The following PCDHGB2 variants were observed in gnomAD, a reference collection of about 807,000 sequenced individuals.
PCDHGB2 encodes protocadherin gamma subfamily B, 2.
A neutral mutation model predicts 59.3 loss-of-function variants in PCDHGB2; 55 were observed. That is an observed-to-expected ratio of 0.93 (90% CI 0.75 to 1.16). The LOEUF (loss-of-function observed/expected upper bound fraction) is 1.16. Among genes scored for constraint, PCDHGB2 ranks in the 50% most tolerant of loss-of-function variants. PCDHGB2 has a pLI of 0.00. For synonymous variants in PCDHGB2, 516 were observed against 512.0 expected (o/e 1.01, Z -0.11); for missense variants, 1,228 against 1,198.5 (o/e 1.02, Z -0.36).
At position 141,491,798 on chromosome 5, in the gene PCDHGB2, G is replaced by A. The variant is rs1269524283; in HGVS notation, c.2422-3009G>A. 1 of 1,506,648 alleles carries A rather than the reference G, an allele frequency of 6.6e-7. No homozygotes were observed. The highest frequency in any genetic ancestry group is 8.9e-7 in the Non-Finnish European group (1 of 1,128,050). The allele number at this position is 1,506,648 out of a possible 1,614,324, so 93.3% of individuals were successfully genotyped here. ...TTGAACTTGCATCCACTCCTCTCCG[G>A]CCGGCTTGGTCGCTGGCTGCGCTCC... On this transcript the variant is annotated intron_variant, in intron 1 of 3. Coordinates refer to ENST00000522605, the MANE Select transcript of PCDHGB2 (RefSeq NM_018923.3). This position sits in a 1 kb window ranked among gnomAD's most constrained non-coding sequence, Gnocchi z 6.9.
At chr5:141,375,607 C>T in intron 1 of PCDHGB2, 1 of 1,614,216 alleles carries the variant, frequency 6.2e-7, no homozygotes, top group East Asian at 2.2e-5. Context: ...TGTCCATCAA[C>T]TCCGACACTG....
chr5:141,510,814 C>CA, intron 3 of PCDHGB2, 133 bp from the exon 4 acceptor site: 1 of 1,544,688 alleles, frequency 6.5e-7, no homozygotes, highest in Admixed American at 1.8e-5. Flanking sequence ...TTGGTGACCC[C>CA]TATATTCCCA....
At chr5:141,407,238 T>C (rs538322072) in intron 1 of PCDHGB2, among the ~76,000 whole-genome samples, 1 of 152,338 alleles carries the variant, frequency 6.6e-6, no homozygotes, top group East Asian at 1.9e-4. Context: ...AAATAAAGCA[T>C]ACTTCAGGCT....
chr5:141,427,704 G>A (rs2097059746), intron 1 of PCDHGB2: 1 of 966,116 alleles, frequency 1.0e-6, no homozygotes, highest in Non-Finnish European at 1.6e-6. Flanking sequence ...ACAAGTCAGC[G>A]CCTCTGACCT....
chr5:141,395,077 AG>A lies in PCDHGB2; in HGVS notation c.2421+32523del, dbSNP rs747226962. 4.3e-6 allele frequency: 7 copies of A among 1,614,024 alleles called. No individual in the cohort carries two copies. The African/African-American group carries it at 9.3e-5, about 22-fold the overall frequency. On this transcript the variant is annotated intron_variant, in intron 1 of 3. Transcript: ENST00000522605. ...CAGGCTTTCCTGCAGACCTATTCCC[AG>A]GAAGTCTCCCTCACCGCCGACTCGC...
At position 141,361,648 on chromosome 5, in the gene PCDHGB2, G is replaced by C. The variant is rs1364656645; in HGVS notation, c.1513G>C (p.Val505Leu). 10 of 1,613,678 alleles carry C rather than the reference G, an allele frequency of 6.2e-6. No individual in the cohort carries two copies. Among genetic ancestry groups the C allele is most frequent in the Admixed American group, 5.0e-5 (3 of 60,014 alleles). Reference protein sequence around the residue: ...DLKPREILSYVSVSAQSGVVF... With the variant: ...DLKPREILSYLSVSAQSGVVF... ...GAAGCCGCGGGAGATTTTATCCTAC[G>C]TGTCCGTGAGCGCGCAGAGCGGGGT... Residue 505 changes from valine to leucine, a missense_variant, in exon 1 of 4, where the codon GTG becomes CTG. Physicochemically the swap from Val to Leu is conservative, Grantham distance 32. Coordinates refer to ENST00000522605, the MANE Select transcript of PCDHGB2 (RefSeq NM_018923.3).
chr5:141,449,876 C>G (rs924666805), intron 1 of PCDHGB2, among the ~76,000 whole-genome samples: 2 of 151,724 alleles, frequency 1.3e-5, no homozygotes, highest in Non-Finnish European at 2.9e-5. Flanking sequence ...AATTTAACAT[C>G]AATGCAATAT....
intron 1 of PCDHGB2, chr5:141,403,713 A>G (rs2094445702): frequency 2.5e-6 from 4 of 1,613,946 alleles, no homozygotes; most frequent in Non-Finnish European, 2.5e-6. Flanking sequence ...GTCCTTGAGA[A>G]CGTGCCCCCA....
chr5:141,372,041 C>T (rs779511565), intron 1 of PCDHGB2: 1 of 1,613,492 alleles, frequency 6.2e-7, no homozygotes, highest in South Asian at 1.1e-5. Flanking sequence ...TGAGCCTGCG[C>T]GTGTTGGTGG....
chr5:141,424,140 C>A, intron 1 of PCDHGB2: 1 of 356,082 alleles, frequency 2.8e-6, no homozygotes, highest in Non-Finnish European at 4.1e-6. Flanking sequence ...TAATAGCATG[C>A]TCCCTCTAGC....
intron 1 of PCDHGB2, among the ~76,000 whole-genome samples, chr5:141,429,377 G>GTT (rs566693637): frequency 2.2e-4 from 33 of 149,524 alleles, no homozygotes; most frequent in South Asian, 1.5e-3. Context: ...GAGAAAATGT[G>GTT]TTTTTTTTTT....
At chr5:141,370,833 C>T (rs1305609320) in intron 1 of PCDHGB2, 4 of 1,613,946 alleles carry the variant, frequency 2.5e-6, no homozygotes, top group Non-Finnish European at 8.5e-7. Context: ...CGAACTGGCT[C>T]TCACTGGAGC....
chr5:141,378,114 A>C (rs1024564517), intron 1 of PCDHGB2: 2 of 152,284 alleles, frequency 1.3e-5, no homozygotes, highest in Non-Finnish European at 2.9e-5. Context: ...CAGCATAGTG[A>C]ACACGTATTT....
At chr5:141,412,060 C>G (rs1191231135) in intron 1 of PCDHGB2, 2 of 152,154 alleles carry the variant, frequency 1.3e-5, no homozygotes, top group African/African-American at 2.4e-5. Context: ...ATACCCTTTG[C>G]ATTTGAGGGA....
rs1252361961 is a variant in PCDHGB2 at position 141,486,106 on chromosome 5, G to A, written c.2422-8701G>A. The A allele has an allele frequency of 2.5e-6, 4 of 1,614,190 alleles. No individual in the cohort carries two copies. The highest frequency in any genetic ancestry group is 1.1e-5 in the South Asian group (1 of 91,086). Reference sequence around the variant, plus strand: ...CTCTTTTGGGGCCCCTAGACTTTGAGAGTGAGAATTACTATGAATTTGATG... The same window carrying A: ...CTCTTTTGGGGCCCCTAGACTTTGAAAGTGAGAATTACTATGAATTTGATG... On this transcript the variant is annotated intron_variant, in intron 1 of 3. Transcript: ENST00000522605. The surrounding 1 kb of genome is among the most constrained non-coding windows in gnomAD (Gnocchi z 5.0).
At chr5:141,372,521 G>A (rs1768831766) in intron 1 of PCDHGB2, 1 of 1,614,014 alleles carries the variant, frequency 6.2e-7, no homozygotes, top group Non-Finnish European at 8.5e-7. Flanking sequence ...CGGTGATTCT[G>A]GCAATCTCCC....
rs151293422 is a variant in PCDHGB2, at chr5:141,487,556, A to G, written c.2422-7251A>G. ...GATGGTGAAGTCACCCAGTGCACCT[A>G]TGGCAGGGGAGCCTGTTCGCCCAAG... On this transcript the variant is annotated intron_variant, in intron 1 of 3. Coordinates refer to ENST00000522605, the MANE Select transcript of PCDHGB2 (RefSeq NM_018923.3). This position sits in a 1 kb window ranked among gnomAD's most constrained non-coding sequence, Gnocchi z 5.0. 2,837 of 1,614,100 alleles carry G rather than the reference A, an allele frequency of 1.8e-3. 31 individuals are homozygous for G. The highest frequency in any genetic ancestry group is 1.2e-3 in the South Asian group (105 of 91,084).
At chr5:141,454,331 T>G (rs1244660733) in intron 1 of PCDHGB2, among the ~76,000 whole-genome samples, 1 of 152,180 alleles carries the variant, frequency 6.6e-6, no homozygotes, top group Non-Finnish European at 1.5e-5. Context: ...CAAGAATAAA[T>G]AAAATGTTGG....
chr5:141,455,961 G>C (rs1447678052), intron 1 of PCDHGB2, among the ~76,000 whole-genome samples: 1 of 150,954 alleles, frequency 6.6e-6, no homozygotes, highest in African/African-American at 2.4e-5. Context: ...GCAGTGGCGC[G>C]ATCTCAGCTC....
Sources: allele counts gnomAD v4.1 joint callset (sites outside exome capture counted in the v4.1 genomes callset), GRCh38; gene constraint gnomAD v4.1.1; non-coding constraint Gnocchi (gnomAD v3.1); transcripts MANE v1.5; gene names NCBI Gene and HGNC (gene_info 2026-07-23, HGNC 2026-07-21).